TMEM232: variants seen among roughly 807,000 people sequenced by gnomAD.
TMEM232 encodes transmembrane protein 232.
Under a neutral mutation model 78.8 loss-of-function variants are expected in TMEM232, and 80 were observed. That is an observed-to-expected ratio of 1.01 (90% CI 0.85 to 1.22). TMEM232 has a LOEUF of 1.22. Ranked by LOEUF, TMEM232 falls within the 50% of genes most tolerant of loss-of-function variation. The pLI is 0.00. For synonymous variants in TMEM232, 297 were observed against 254.3 expected (o/e 1.17, Z -1.60); for missense variants, 881 against 742.2 (o/e 1.19, Z -2.17).
chr5:110,549,911 A>T (rs1774252693), intron 11 of TMEM232, among the ~76,000 whole-genome samples: 2 of 152,126 alleles, frequency 1.3e-5, no homozygotes, highest in African/African-American at 4.8e-5. Context: ...AAGAAGAAAT[A>T]ATGACAAAAA....
intron 12 of TMEM232, among the ~76,000 whole-genome samples, chr5:110,506,582 A>C (rs1253129398): frequency 6.6e-6 from 1 of 152,204 alleles, no homozygotes; most frequent in Non-Finnish European, 1.5e-5. Context: ...TTGGCTGTCT[A>C]CATCAATCAA....
At chr5:110,714,808 A>G (rs979496930) in intron 1 of TMEM232, among the ~76,000 whole-genome samples, 2 of 152,230 alleles carry the variant, frequency 1.3e-5, no homozygotes, top group African/African-American at 4.8e-5. Context: ...TACAATTAAA[A>G]TATGGTGCCT....
At chr5:110,447,803 T>A (rs370549065) in intron 12 of TMEM232, among the ~76,000 whole-genome samples, 1 of 151,944 alleles carries the variant, frequency 6.6e-6, no homozygotes. Context: ...GAAAACACAT[T>A]ATAAAACATA....
chr5:110,497,719 C>T (rs1765786673), intron 12 of TMEM232, among the ~76,000 whole-genome samples: 1 of 152,116 alleles, frequency 6.6e-6, no homozygotes, highest in African/African-American at 2.4e-5. Flanking sequence ...GTTTCCCCCA[C>T]CTGGCCTGCT....
intron 12 of TMEM232, among the ~76,000 whole-genome samples, chr5:110,477,239 G>T (rs906029264): frequency 1.3e-5 from 2 of 151,844 alleles, no homozygotes; most frequent in Non-Finnish European, 2.9e-5. Context: ...AAAATGCTTG[G>T]TTAACCGTAG....
At chr5:110,580,465 T>G (rs1778066205) in intron 10 of TMEM232, among the ~76,000 whole-genome samples, 1 of 151,726 alleles carries the variant, frequency 6.6e-6, no homozygotes, top group African/African-American at 2.4e-5. Context: ...TGTGTGTAAG[T>G]ATACTCTATT....
chr5:110,579,881 T>TA lies in TMEM232; in HGVS notation c.1277-11257dup, dbSNP rs571368900. ...AAAAGACATAAAGTGGCTAAGTGTA[T>TA]AAAAAAATAGGACCCAAACATAAAG... On this transcript the variant is annotated intron_variant, in intron 10 of 13. Coordinates refer to ENST00000455884, the MANE Select transcript of TMEM232 (RefSeq NM_001039763.4). Among the ~76,000 whole-genome samples, 534 of 151,604 alleles carry TA rather than the reference T, an allele frequency of 3.5e-3. 2 individuals are homozygous for TA. The highest frequency in any genetic ancestry group is 6.3e-3 in the Admixed American group (95 of 15,172).
intron 1 of TMEM232, among the ~76,000 whole-genome samples, chr5:110,691,140 A>G (rs1315911817): frequency 3.7e-5 from 2 of 54,426 alleles, no homozygotes; most frequent in Non-Finnish European, 8.8e-5. Flanking sequence ...AACTTAAAGT[A>G]TAAGGAAAAA....
intron 4 of TMEM232, among the ~76,000 whole-genome samples, chr5:110,639,913 C>G (rs1786426712): frequency 6.6e-6 from 1 of 152,232 alleles, no homozygotes; most frequent in African/African-American, 2.4e-5. Flanking sequence ...TGCTCGCTCC[C>G]TGGCTGCTCA....
chr5:110,555,326 G>C (rs546092179), intron 11 of TMEM232, among the ~76,000 whole-genome samples: 1 of 152,250 alleles, frequency 6.6e-6, no homozygotes, highest in Non-Finnish European at 1.5e-5. Context: ...ATGGTTTTGA[G>C]AGATTTTCTT....
chr5:110,602,531 C>A (rs1185673996), intron 10 of TMEM232, among the ~76,000 whole-genome samples: 1 of 151,888 alleles, frequency 6.6e-6, no homozygotes, highest in Non-Finnish European at 1.5e-5. Flanking sequence ...CCAAAACAAG[C>A]ATATGAAAAA....
chr5:110,454,682 A>G (rs947984897), intron 12 of TMEM232, among the ~76,000 whole-genome samples: 15 of 152,124 alleles, frequency 9.9e-5, no homozygotes, highest in African/African-American at 3.1e-4. Flanking sequence ...AGTTAAAGCA[A>G]TACTTAGAGG....
At chr5:110,441,816 C>A (rs921623198) in intron 12 of TMEM232, among the ~76,000 whole-genome samples, 1 of 152,134 alleles carries the variant, frequency 6.6e-6, no homozygotes, top group Non-Finnish European at 1.5e-5. Context: ...TAAATAACCA[C>A]CCCAGTTTTA....
intron 12 of TMEM232, among the ~76,000 whole-genome samples, chr5:110,468,845 T>C (rs1014630662): frequency 2.6e-5 from 4 of 152,052 alleles, no homozygotes; most frequent in Non-Finnish European, 4.4e-5. Context: ...ACAACTATAT[T>C]TGGATAAAAA....
intron 1 of TMEM232, among the ~76,000 whole-genome samples, chr5:110,696,404 GC>G (rs1749126048): frequency 6.6e-6 from 1 of 152,158 alleles, no homozygotes; most frequent in Non-Finnish European, 1.5e-5. Context: ...AGACAGGGAT[GC>G]CCTCTCTCAC....
intron 11 of TMEM232, among the ~76,000 whole-genome samples, chr5:110,531,704 G>A (rs1771510257): frequency 6.6e-6 from 1 of 152,144 alleles, no homozygotes; most frequent in Non-Finnish European, 1.5e-5. Context: ...GCATAGTCAA[G>A]GTTAATGCTC....
chr5:110,679,866 T>TACA (rs1259704027), intron 1 of TMEM232, among the ~76,000 whole-genome samples: 1 of 152,226 alleles, frequency 6.6e-6, no homozygotes, highest in Non-Finnish European at 1.5e-5. Flanking sequence ...ACATTTGATT[T>TACA]TTGGCTGTCT....
intron 1 of TMEM232, among the ~76,000 whole-genome samples, chr5:110,711,022 A>T (rs953222395): frequency 1.3e-5 from 2 of 152,190 alleles, no homozygotes; most frequent in African/African-American, 4.8e-5. Context: ...GAATCTAAAG[A>T]CTTCACCAAA....
chr5:110,446,117 C>T (rs1272254970), intron 12 of TMEM232, among the ~76,000 whole-genome samples: 5 of 152,092 alleles, frequency 3.3e-5, no homozygotes, highest in African/African-American at 7.2e-5. Context: ...TATCTATAGG[C>T]CTTTTTTCTT....
Sources: allele counts gnomAD v4.1 joint callset (sites outside exome capture counted in the v4.1 genomes callset), GRCh38; gene constraint gnomAD v4.1.1; transcripts MANE v1.5; gene names NCBI Gene and HGNC (gene_info 2026-07-23, HGNC 2026-07-21).